OAF: variants seen among roughly 807,000 people sequenced by gnomAD.
The protein encoded by OAF is out at first homolog.
OAF carries 13 observed loss-of-function variants against 22.5 expected under a neutral mutation model. That is an observed-to-expected ratio of 0.58 (90% CI 0.38 to 0.92). The LOEUF is 0.92. OAF is among the 40% of genes least tolerant of loss of function. The pLI is 0.00. For missense variants in OAF, 347 were observed against 381.8 expected (o/e 0.91, Z 0.76); for synonymous variants, 175 against 170.5 (o/e 1.03, Z -0.21).
chr11:120,227,471 C>G lies in OAF; in HGVS notation c.547+475C>G, dbSNP rs11217771. Among the ~76,000 whole-genome samples, 7,298 of 152,204 alleles carry G rather than the reference C, an allele frequency of 0.048. 1,032 individuals are homozygous for G. The East Asian group carries it at 0.57, about 12-fold the overall frequency. Reference sequence around the variant, plus strand: ...CTTGTCCCTGCCCTTAGTGAGGACACAGAGATGGGGCCTTCTGTCATGGGT... The same window carrying G: ...CTTGTCCCTGCCCTTAGTGAGGACAGAGAGATGGGGCCTTCTGTCATGGGT... On this transcript the variant is annotated intron_variant, in intron 3 of 3. Transcript: ENST00000328965.
chr11:120,227,145 C>A, intron 3 of OAF, 149 bp downstream of exon 3: 1 of 575,436 alleles, frequency 1.7e-6, no homozygotes, highest in South Asian at 2.6e-5. Flanking sequence ...GTTCAGGAGA[C>A]ATTTACTGAA....
chr11:120,213,869 T>C (rs1440980328), intron 1 of OAF: 1 of 152,072 alleles, frequency 6.6e-6, no homozygotes, highest in Non-Finnish European at 1.5e-5. Flanking sequence ...AAACCAGGAA[T>C]ATGAAATCTT....
Position 120,226,841 on chromosome 11 carries a change from C to A in OAF, c.392C>A (p.Ala131Glu). The A allele has an allele frequency of 1.9e-6, 3 of 1,603,212 alleles. No homozygotes were observed. The African/African-American group carries it at 4.0e-5, about 21-fold the overall frequency. ...RQKNPRAVRQ[A>E]EEVRGLEHLH... The stretch of plus-strand genomic sequence containing the variant: ...AAAAATCCCCGGGCAGTGCGGCAGG[C>A]GGAGGAGGTTCGGGGTCTGGAGCAT... The change falls in exon 3 of 4, where the codon GCG becomes GAG. Residue 131 changes from alanine to glutamate, a missense_variant. Coordinates refer to ENST00000328965, the MANE Select transcript of OAF (RefSeq NM_178507.4).
chr11:120,223,036 G>A (rs61898289), intron 1 of OAF, among the ~76,000 whole-genome samples: 10,809 of 152,250 alleles, frequency 0.071, 452 homozygotes, highest in Admixed American at 0.14. Flanking sequence ...CAGGAACCAC[G>A]AGCCAGAGCC....
chr11:120,214,847 A>C (rs1938190045), intron 1 of OAF, among the ~76,000 whole-genome samples: 1 of 152,230 alleles, frequency 6.6e-6, no homozygotes, highest in Non-Finnish European at 1.5e-5. Context: ...GCCATCCTGC[A>C]TTACTGCAAG....
At chr11:120,224,936 C>T (rs1476868464) in intron 1 of OAF, among the ~76,000 whole-genome samples, 1 of 152,222 alleles carries the variant, frequency 6.6e-6, no homozygotes, top group African/African-American at 2.4e-5. Context: ...CAGCTCTACT[C>T]CCTCCATCCT....
In OAF at chr11:120,228,865, C is replaced by G. The variant is rs373456566; in HGVS notation, c.548-3C>G. On this transcript the variant is annotated splice_region_variant and splice_polypyrimidine_tract_variant and intron_variant, in intron 3 of 3. Coordinates refer to ENST00000328965, the MANE Select transcript of OAF (RefSeq NM_178507.4). ...CTCCCTGATCCTTGCCTCTCTCCCCCAGGTGTGGACAGTTCTGTGTTCGAG... is the reference window on the plus strand; with the variant it reads ...CTCCCTGATCCTTGCCTCTCTCCCCGAGGTGTGGACAGTTCTGTGTTCGAG... 7.0e-6 allele frequency: 11 copies of G among 1,561,266 alleles called. No homozygotes were observed. Among genetic ancestry groups the G allele is most frequent in the Admixed American group, 1.7e-5 (1 of 59,158 alleles).
At chr11:120,218,107 C>T (rs2953362) in intron 1 of OAF, among the ~76,000 whole-genome samples, 26,075 of 151,786 alleles carry the variant, frequency 0.17, 3,342 homozygotes, top group African/African-American at 0.35. Flanking sequence ...ACAGTGGTGA[C>T]CTTTGGGATT....
intron 1 of OAF, chr11:120,214,022 A>G (rs1938182125): frequency 6.6e-6 from 1 of 152,218 alleles, no homozygotes; most frequent in African/African-American, 2.4e-5. Context: ...ACTGAGCTGC[A>G]ATTGTACTAC....
In OAF at chr11:120,229,239, C is replaced by A; in HGVS notation, c.*97C>A. 9.1e-7 allele frequency: 1 copy of A among 1,101,546 alleles called. No individual in the cohort carries two copies. The highest frequency in any genetic ancestry group is 1.3e-6 in the Non-Finnish European group (1 of 757,040). The allele number at this position is 1,101,546 out of a possible 1,614,324, so 68.2% of individuals were successfully genotyped here. A position where few individuals can be genotyped will look rare whatever the true frequency, so the allele number is the denominator to read the frequency against. Reference sequence around the variant, plus strand: ...CCCCACCTGAGGCCTTATTTCCCTCCCTCCCCACTCCCCTGGCCCTAGAGC... The same window carrying A: ...CCCCACCTGAGGCCTTATTTCCCTCACTCCCCACTCCCCTGGCCCTAGAGC... On this transcript the variant is annotated 3_prime_UTR_variant, in exon 4 of 4. Coordinates refer to ENST00000328965, the MANE Select transcript of OAF (RefSeq NM_178507.4).
intron 3 of OAF, among the ~76,000 whole-genome samples, chr11:120,228,425 G>T (rs1350807921): frequency 6.6e-6 from 1 of 152,044 alleles, no homozygotes. Context: ...TTCCAACCTT[G>T]TCTCCCCACG....
chr11:120,216,067 G>A (rs1025490483), intron 1 of OAF, among the ~76,000 whole-genome samples: 2 of 152,150 alleles, frequency 1.3e-5, no homozygotes, highest in African/African-American at 2.4e-5. Context: ...GGGCCGCTTC[G>A]AAGGGACAAG....
chr11:120,227,035 G>C (rs911140020), intron 3 of OAF, 39 bp downstream of exon 3: 1 of 1,505,496 alleles, frequency 6.6e-7, no homozygotes, highest in Admixed American at 1.7e-5. Context: ...GCTGGGCGGA[G>C]GGAAGGGGAC....
chr11:120,220,328 A>T (rs531343362), intron 1 of OAF, among the ~76,000 whole-genome samples: 1 of 152,082 alleles, frequency 6.6e-6, no homozygotes, highest in Non-Finnish European at 1.5e-5. Context: ...CCTCATCAGC[A>T]CTCACGACCC....
intron 3 of OAF, among the ~76,000 whole-genome samples, chr11:120,227,813 T>C (rs1210377928): frequency 6.6e-6 from 1 of 152,024 alleles, no homozygotes; most frequent in African/African-American, 2.4e-5. Context: ...GATTTAGAAA[T>C]ACCCAACCAA....
chr11:120,229,213 C>T lies in OAF; in HGVS notation c.*71C>T, dbSNP rs187280101. The T allele has an allele frequency of 8.4e-6, 12 of 1,426,688 alleles. No homozygotes were observed. In the Admixed American group the frequency reaches 1.8e-4, roughly 21 times the overall value. 88.4% of individuals were successfully genotyped at this position (1,426,688 alleles called of 1,614,324 possible). On this transcript the variant is annotated 3_prime_UTR_variant, in exon 4 of 4. Coordinates refer to ENST00000328965, the MANE Select transcript of OAF (RefSeq NM_178507.4). ...CACCAGCCACTAGAGGGGGTGGCAA[C>T]CCCCACCTGAGGCCTTATTTCCCTC...
Position 120,229,380 on chromosome 11 carries a change from G to C in OAF, c.*238G>C. ...CCTTCCTTGCGGGCAGAGAGGGAGA[G>C]AAGGGCTCCCCAGATCTACACCCCT... On this transcript the variant is annotated 3_prime_UTR_variant, in exon 4 of 4. Transcript: ENST00000328965. The C allele has an allele frequency of 2.1e-5, 6 of 281,970 alleles. No homozygotes were observed. The highest frequency in any genetic ancestry group is 3.1e-4 in the South Asian group (2 of 6,510). The allele number at this position is 281,970 out of a possible 1,614,324, so 17.5% of individuals were successfully genotyped here.
chr11:120,221,712 A>G (rs1320089513), intron 1 of OAF, among the ~76,000 whole-genome samples: 1 of 152,144 alleles, frequency 6.6e-6, no homozygotes, highest in Non-Finnish European at 1.5e-5. Context: ...CCTACTCCTT[A>G]CTTAAAACTA....
At chr11:120,225,263 A>C (rs951264403) in intron 1 of OAF, among the ~76,000 whole-genome samples, 12 of 151,938 alleles carry the variant, frequency 7.9e-5, no homozygotes, top group African/African-American at 2.9e-4. Flanking sequence ...TCTAGCCATT[A>C]CAACTACAAA....
Sources: allele counts gnomAD v4.1 joint callset (sites outside exome capture counted in the v4.1 genomes callset), GRCh38; gene constraint gnomAD v4.1.1; transcripts MANE v1.5; gene names NCBI Gene and HGNC (gene_info 2026-07-23, HGNC 2026-07-21).